The following AKAP9 variants were observed in gnomAD, a reference collection of about 807,000 sequenced individuals.
The protein encoded by AKAP9 is A-kinase anchoring protein 9.
Under a neutral mutation model 488.5 loss-of-function variants are expected in AKAP9, and 311 were observed. The observed-to-expected ratio is 0.64, with a 90% CI of 0.58 to 0.70. The LOEUF (loss-of-function observed/expected upper bound fraction) is 0.70, where lower values mean the gene tolerates loss of function less well. Ranked by LOEUF, AKAP9 falls within the 30% of genes least tolerant of loss-of-function variation. The pLI, the probability that AKAP9 is intolerant of heterozygous loss-of-function variation, is 0.00. For synonymous variants in AKAP9, 1,462 were observed against 1,483.5 expected, an observed-to-expected ratio of 0.99 and a Z score of 0.33; for missense variants, 4,215 against 4,374.5, an observed-to-expected ratio of 0.96 and a Z score of 1.03.
chr7:91,978,157 G>T (rs1319031709), intron 2 of AKAP9, among the ~76,000 whole-genome samples: 2 of 148,844 alleles, frequency 1.3e-5, no homozygotes, highest in African/African-American at 5.0e-5. Context: ...CAGGAGAATT[G>T]CTTGAACCTG....
Position 92,079,917 on chromosome 7 carries a change from A to T in AKAP9, c.7784A>T (p.Asp2595Val), listed in dbSNP as rs377157172. Residue 2595 changes from aspartate to valine, a missense_variant, in exon 31 of 50, where the codon GAT becomes GTT. This residue lies in a region of AKAP9 where 1,476 missense variants were observed against 1,477.4 expected (regional missense o/e 1.00). Coordinates refer to ENST00000356239, the MANE Select transcript of AKAP9 (RefSeq NM_005751.5). ...NIQNLNQLRE[D>V]ELGSDISALT... Reference sequence around the variant, plus strand: ...CAGAATTTAAATCAACTAAGAGAAGATGAGTTGGGGTCAGATATATCAGCA... The same window carrying T: ...CAGAATTTAAATCAACTAAGAGAAGTTGAGTTGGGGTCAGATATATCAGCA... 9.3e-6 allele frequency: 15 copies of T among 1,613,726 alleles called. No homozygotes were observed. The highest frequency in any genetic ancestry group is 1.3e-5 in the Non-Finnish European group (15 of 1,179,760).
rs760378070 is a variant in AKAP9, at chr7:92,070,165, C to G, written c.6466C>G (p.Leu2156Val). Reference protein sequence around the residue: ...IEKLEFRVRELEQALLVSADT... With the variant: ...IEKLEFRVREVEQALLVSADT... The stretch of plus-strand genomic sequence containing the variant: ...GAAACTGGAGTTCAGAGTAAGAGAA[C>G]TGGAGCAGGCGCTTCTTGTGAGTGC... The change falls in exon 27 of 50, where the codon CTG becomes GTG. Residue 2156 changes from leucine (L) to valine (V), a missense_variant. Physicochemically the swap from Leu to Val is conservative, Grantham distance 32. Coordinates refer to ENST00000356239, the MANE Select transcript of AKAP9 (RefSeq NM_005751.5). The G allele has an allele frequency of 8.7e-6, 14 of 1,614,054 alleles. No individual in the cohort carries two copies. Among genetic ancestry groups the G allele is most frequent in the Non-Finnish European group, 1.2e-5 (14 of 1,179,982 alleles).
chr7:92,080,244 A>G, intron 31 of AKAP9, 92 bp downstream of exon 31: 3 of 964,850 alleles, frequency 3.1e-6, no homozygotes, highest in Non-Finnish European at 4.5e-6. Flanking sequence ...TTTACATCTA[A>G]CAATTTATAC....
Position 92,062,416 on chromosome 7 carries a change from C to A in AKAP9, c.5907C>A (p.Ile1969=), listed in dbSNP as rs1554440805. ...AATTGGAGGCAGAGCAACAGCAGAT[C>A]CAAGAAGAAAGAGAATTACTGTCCA... ...LQELEAEQQQ[I]QEERELLSRQ... is the part of the protein sequence containing the mutation. The change falls in exon 24 of 50, where the codon ATC becomes ATA. Residue 1969 remains isoleucine, a synonymous_variant. Transcript: ENST00000356239. 6.2e-7 allele frequency: 1 copy of A among 1,613,726 alleles called. No individual in the cohort carries two copies. Among genetic ancestry groups the A allele is most frequent in the South Asian group, 1.1e-5 (1 of 91,078 alleles).
Position 92,001,797 on chromosome 7 carries a change from C to T in AKAP9, c.1880C>T (p.Thr627Ile), listed in dbSNP as rs1799217002. Residue 627 changes from threonine to isoleucine, a missense_variant, in exon 8 of 50, where the codon ACA (threonine) becomes ATA (isoleucine). By Grantham distance (89) the Thr-to-Ile change is moderately conservative. This residue lies in a region of AKAP9 where 2,361 missense variants were observed against 2,430.0 expected (regional missense o/e 0.97). Transcript: ENST00000356239. ...SQEAELERLRTQLLFSHEEEL... is the reference protein window; with the variant it reads ...SQEAELERLRIQLLFSHEEEL... ...GAAGCTGAATTAGAGAGGCTGAGAACACAGCTTCTATTTAGTCACGAAGAA... is the reference window on the plus strand; with the variant it reads ...GAAGCTGAATTAGAGAGGCTGAGAATACAGCTTCTATTTAGTCACGAAGAA... 1 of 1,613,340 alleles carries T rather than the reference C, an allele frequency of 6.2e-7. No homozygotes were observed. Among genetic ancestry groups the T allele is most frequent in the Non-Finnish European group, 8.5e-7 (1 of 1,179,620 alleles).
chr7:92,082,226 T>A (rs958449719), intron 31 of AKAP9, among the ~76,000 whole-genome samples: 5 of 152,180 alleles, frequency 3.3e-5, no homozygotes, highest in Non-Finnish European at 1.5e-5. Context: ...TGAGCCACCG[T>A]GCCTGGCCTA....
rs536226832 is a variant in AKAP9 at position 92,026,700 on chromosome 7, C to T, written c.4149-3195C>T. Among the ~76,000 whole-genome samples the T allele has an allele frequency of 7.9e-5, 12 of 152,340 alleles. No individual in the cohort carries two copies. In the South Asian group the frequency reaches 8.3e-4, roughly 11 times the overall value. On this transcript the variant is annotated intron_variant, in intron 14 of 49. Coordinates refer to ENST00000356239, the MANE Select transcript of AKAP9 (RefSeq NM_005751.5). ...CTCGCTACAACCTCCACCTCCCAGCCGCCTGCCTTGGCCTCCCAAAGTGCT... is the reference window on the plus strand; with the variant it reads ...CTCGCTACAACCTCCACCTCCCAGCTGCCTGCCTTGGCCTCCCAAAGTGCT...
intron 19 of AKAP9, 71 bp downstream of exon 19, chr7:92,042,257 T>G: frequency 6.3e-7 from 1 of 1,590,692 alleles, no homozygotes; most frequent in East Asian, 2.2e-5. Context: ...TCTTTGTTGT[T>G]GGTATGAGAT....
chr7:91,944,233 A>G (rs1230331808), intron 1 of AKAP9, among the ~76,000 whole-genome samples: 2 of 152,170 alleles, frequency 1.3e-5, no homozygotes, highest in Admixed American at 6.5e-5. Flanking sequence ...GTATATGTAC[A>G]TATTTAAATA....
chr7:91,949,774 T>G (rs1452924668), intron 1 of AKAP9, among the ~76,000 whole-genome samples: 2 of 152,184 alleles, frequency 1.3e-5, no homozygotes, highest in African/African-American at 4.8e-5. Flanking sequence ...TAGTTTTGCT[T>G]AGGTTCTTTG....
intron 38 of AKAP9, among the ~76,000 whole-genome samples, chr7:92,091,617 A>AAT (rs1815645800): frequency 7.2e-6 from 1 of 139,230 alleles, no homozygotes; most frequent in Non-Finnish European, 1.5e-5. Context: ...AAAACAAAGC[A>AAT]GAAGCATTCT....
At chr7:92,042,955 A>T (rs1412306988) in intron 20 of AKAP9, 184 bp downstream of exon 20, 2 of 413,324 alleles carry the variant, frequency 4.8e-6, no homozygotes, top group Non-Finnish European at 8.8e-6. Context: ...TTCATCATTA[A>T]ATAGATAACA....
At chr7:91,941,950 T>G (rs1237479458) in intron 1 of AKAP9, among the ~76,000 whole-genome samples, 1 of 151,120 alleles carries the variant, frequency 6.6e-6, no homozygotes, top group East Asian at 2.0e-4. Flanking sequence ...AACAATACAA[T>G]ACACAATTAT....
At chr7:92,085,396 G>T in intron 35 of AKAP9, 99 bp from the exon 36 acceptor site, 1 of 1,202,308 alleles carries the variant, frequency 8.3e-7, no homozygotes, top group East Asian at 2.4e-5. Context: ...TTTTCTCTCT[G>T]CAAGCTATCT....
Position 92,102,703 on chromosome 7 carries a change from C to T in AKAP9, c.11207C>T (p.Thr3736Ile), listed in dbSNP as rs1031474530. The T allele has an allele frequency of 3.1e-6, 5 of 1,614,100 alleles. No homozygotes were observed. The highest frequency in any genetic ancestry group is 2.2e-5 in the East Asian group (1 of 44,894). The change falls in exon 46 of 50, where the codon ACC becomes ATC. Residue 3736 changes from threonine (T) to isoleucine (I), a missense_variant. By Grantham distance (89) the Thr-to-Ile change is moderately conservative. Around this residue, in one of 5 missense-constraint regions of AKAP9, gnomAD observed 253 missense variants for 266.8 expected, o/e 0.95. Coordinates refer to ENST00000356239, the MANE Select transcript of AKAP9 (RefSeq NM_005751.5). Reference sequence around the variant, plus strand: ...GGGTTCCAGGAATGTGAAGATGCCACCTTGGCCCTGCTTGCCCGGATGGGG... The same window carrying T: ...GGGTTCCAGGAATGTGAAGATGCCATCTTGGCCCTGCTTGCCCGGATGGGG... Reference protein sequence around the residue: ...LGGFQECEDATLALLARMGGQ... With the variant: ...LGGFQECEDAILALLARMGGQ...
In AKAP9 at chr7:91,940,993, C is replaced by A; in HGVS notation, c.-107C>A. 8.3e-7 allele frequency: 1 copy of A among 1,210,938 alleles called. No individual in the cohort carries two copies. Among genetic ancestry groups the A allele is most frequent in the Non-Finnish European group, 1.2e-6 (1 of 812,976 alleles). The allele number at this position is 1,210,938 out of a possible 1,614,324, so 75.0% of individuals were successfully genotyped here. ...GGGGGAGCGCCGGACCGAATCGGCTCTCTAGGCCGTGGAGCTTGCCGTCCC... is the reference window on the plus strand; with the variant it reads ...GGGGGAGCGCCGGACCGAATCGGCTATCTAGGCCGTGGAGCTTGCCGTCCC... On this transcript the variant is annotated 5_prime_UTR_variant, in exon 1 of 50. Transcript: ENST00000356239.
intron 1 of AKAP9, among the ~76,000 whole-genome samples, chr7:91,960,552 C>A (rs1365349496): frequency 6.6e-6 from 1 of 152,092 alleles, no homozygotes; most frequent in Non-Finnish European, 1.5e-5. Context: ...GACTTCTCCC[C>A]ACACGACCCC....
rs190695638 is a variant in AKAP9, at chr7:92,085,684, G to C, written c.9022G>C (p.Glu3008Gln). 2 of 1,609,158 alleles carry C rather than the reference G, an allele frequency of 1.2e-6. No homozygotes were observed. Among genetic ancestry groups the C allele is most frequent in the Admixed American group, 3.3e-5 (2 of 59,800 alleles). Reference sequence around the variant, plus strand: ...AAAGATGCAACTGCAAAGAGAAGCCGAGGTAACCAAAGAATACTATGCATT... The same window carrying C: ...AAAGATGCAACTGCAAAGAGAAGCCCAGGTAACCAAAGAATACTATGCATT... ...ITKMQLQREA[E>Q]VYDSSQSHES... Residue 3008 changes from glutamate (E) to glutamine (Q), a missense_variant and splice_region_variant, in exon 36 of 50, where the codon GAG becomes CAG. Transcript: ENST00000356239.
At chr7:92,050,104 G>A (rs1026095756) in intron 21 of AKAP9, among the ~76,000 whole-genome samples, 3 of 137,702 alleles carry the variant, frequency 2.2e-5, no homozygotes, top group Non-Finnish European at 4.6e-5. Flanking sequence ...TTGCTCTATC[G>A]CCCAGGCGGG....
Sources: gnomAD v4.1 joint callset for allele counts (sites outside exome capture counted in the v4.1 genomes callset) on GRCh38, gnomAD v4.1.1 for gene constraint, gnomAD v4.1.1 regional missense constraint, MANE v1.5 for transcripts, NCBI Gene and HGNC (gene_info 2026-07-23, HGNC 2026-07-21) for gene names.